Variants in RIMS1 observed in about 807,000 individuals in gnomAD.
RIMS1 encodes regulating synaptic membrane exocytosis 1.
A neutral mutation model predicts 214.1 loss-of-function variants in RIMS1; 83 were observed. That is an observed-to-expected ratio of 0.39 (90% confidence interval 0.32 to 0.47). The LOEUF (loss-of-function observed/expected upper bound fraction) is 0.47, where lower values mean the gene tolerates loss of function less well. RIMS1 is among the 20% of genes least tolerant of loss of function. The pLI is 0.99. For synonymous variants in RIMS1, 793 were observed against 786.8 expected, an observed-to-expected ratio of 1.01 and a Z score of -0.13; for missense variants, 2,050 against 2,161.8, an observed-to-expected ratio of 0.95 and a Z score of 1.03.
At chr6:72,081,190 A>C (rs942489597) in intron 2 of RIMS1, among the ~76,000 whole-genome samples, 1 of 152,192 alleles carries the variant, frequency 6.6e-6, no homozygotes, top group Non-Finnish European at 1.5e-5. Flanking sequence ...GGTTAAGATG[A>C]TTTATCAGAG....
At chr6:72,361,096 CTTTTTT>C (rs70994124) in intron 29 of RIMS1, among the ~76,000 whole-genome samples, 1 of 54,388 alleles carries the variant, frequency 1.8e-5, no homozygotes, top group Admixed American at 2.3e-4. Flanking sequence ...GTCTTTCTTT[CTTTTTT>C]TTTTTTTTTT....
Position 72,334,829 on chromosome 6 carries a change from T to C in RIMS1, c.4366+994T>C, listed in dbSNP as rs76442988. ...AATTAGAAGTAGGAAATTTGAGTCA[T>C]GTCTTAAAATTACAGGATTAGAATG... On this transcript the variant is annotated intron_variant, in intron 29 of 33. Transcript: ENST00000521978. 4.3e-3 allele frequency among the ~76,000 whole-genome samples: 655 copies of C among 152,010 alleles called. 6 individuals are homozygous for C. The highest frequency in any genetic ancestry group is 0.015 in the African/African-American group (641 of 41,524).
At chr6:72,237,215 AAG>A (rs552204532) in intron 8 of RIMS1, among the ~76,000 whole-genome samples, 17 of 150,124 alleles carry the variant, frequency 1.1e-4, no homozygotes, top group Non-Finnish European at 2.1e-4. Context: ...CAAAAATAGA[AAG>A]AGAGAGAGAG....
Position 72,076,940 on chromosome 6 carries a change from A to T in RIMS1, c.246-20009A>T, listed in dbSNP as rs1271768387. On this transcript the variant is annotated intron_variant, in intron 2 of 33. Transcript: ENST00000521978. ...ATTTGTCAATAAAAGTCCTTCAGTG[A>T]CCTCCCATTCCGCTTAGAAGAAAAT... 3.3e-5 allele frequency among the ~76,000 whole-genome samples: 5 copies of T among 152,040 alleles called. No individual in the cohort carries two copies. The East Asian group carries it at 7.7e-4, about 24-fold the overall frequency.
intron 2 of RIMS1, among the ~76,000 whole-genome samples, chr6:71,972,742 T>C (rs1364178478): frequency 1.3e-5 from 2 of 152,192 alleles, no homozygotes; most frequent in Non-Finnish European, 2.9e-5. Flanking sequence ...AGAATCTTTT[T>C]CTTAAGAGTT....
At chr6:72,110,342 T>A (rs1341146256) in intron 4 of RIMS1, among the ~76,000 whole-genome samples, 1 of 152,210 alleles carries the variant, frequency 6.6e-6, no homozygotes, top group Non-Finnish European at 1.5e-5. Context: ...GAGCATGGAA[T>A]GTTCTTCCAT....
intron 2 of RIMS1, among the ~76,000 whole-genome samples, chr6:71,975,238 T>C (rs565269343): frequency 2.0e-5 from 3 of 152,240 alleles, no homozygotes; most frequent in Admixed American, 6.5e-5. Flanking sequence ...TTGGAGGACT[T>C]AAGAAAATTA....
At chr6:72,292,537 C>T (rs2093553947) in intron 26 of RIMS1, among the ~76,000 whole-genome samples, 1 of 152,018 alleles carries the variant, frequency 6.6e-6, no homozygotes, top group Non-Finnish European at 1.5e-5. Flanking sequence ...TTCAGCAGTT[C>T]ATATTGCTTA....
chr6:72,271,496 C>T (rs1224350055), intron 22 of RIMS1, among the ~76,000 whole-genome samples: 1 of 151,488 alleles, frequency 6.6e-6, no homozygotes, highest in Non-Finnish European at 1.5e-5. Context: ...GAATTAATGA[C>T]TTACATTTTT....
chr6:72,235,619 A>T lies in RIMS1; in HGVS notation c.1748A>T (p.His583Leu). 6.2e-7 allele frequency: 1 copy of T among 1,602,212 alleles called. No individual in the cohort carries two copies. Among genetic ancestry groups the T allele is most frequent in the Non-Finnish European group, 8.5e-7 (1 of 1,171,450 alleles). ...TTAAACTCATTCATGTTTTAACAGC[A>T]TCCTGTAACGTGGCAACCATCTAAA... ...HSRETSPISS[H>L]PVTWQPSKEG... The change falls in exon 8 of 34, where the codon CAT becomes CTT. Residue 583 changes from histidine to leucine, a missense_variant and splice_region_variant. His to Leu is a moderately conservative substitution (Grantham distance 99, BLOSUM62 -3). Coordinates refer to ENST00000521978, the MANE Select transcript of RIMS1 (RefSeq NM_014989.7).
At chr6:72,129,802 A>G (rs56270449) in intron 4 of RIMS1, among the ~76,000 whole-genome samples, 32,367 of 151,968 alleles carry the variant, frequency 0.21, 4,120 homozygotes, top group Non-Finnish European at 0.27. Flanking sequence ...GCATTCAACC[A>G]TTACTTTAGG....
intron 2 of RIMS1, among the ~76,000 whole-genome samples, chr6:72,038,682 T>G (rs1820600237): frequency 6.6e-6 from 1 of 152,164 alleles, no homozygotes; most frequent in Non-Finnish European, 1.5e-5. Context: ...GTAGCGTCAG[T>G]AACAGATAGC....
intron 28 of RIMS1, among the ~76,000 whole-genome samples, chr6:72,316,102 A>G (rs2095775857): frequency 6.6e-6 from 1 of 152,190 alleles, no homozygotes; most frequent in Non-Finnish European, 1.5e-5. Flanking sequence ...AAAACAAAAA[A>G]AAACATTGTA....
intron 4 of RIMS1, among the ~76,000 whole-genome samples, chr6:72,110,730 C>G (rs1238774932): frequency 6.6e-6 from 1 of 151,910 alleles, no homozygotes; most frequent in Non-Finnish European, 1.5e-5. Context: ...CCAGAACTTC[C>G]AACACTATGT....
chr6:71,887,431 C>G (rs559206964), intron 1 of RIMS1, among the ~76,000 whole-genome samples: 61 of 152,012 alleles, frequency 4.0e-4, no homozygotes, highest in Non-Finnish European at 4.7e-4. Context: ...TGACTTGAGA[C>G]TGGGGTGCAG....
At chr6:72,023,260 A>T (rs1815282099) in intron 2 of RIMS1, among the ~76,000 whole-genome samples, 1 of 152,198 alleles carries the variant, frequency 6.6e-6, no homozygotes, top group Admixed American at 6.5e-5. Flanking sequence ...GCTAACATAT[A>T]CATTTTAGGT....
chr6:72,308,950 A>G (rs1029403741), intron 27 of RIMS1, among the ~76,000 whole-genome samples: 3 of 152,142 alleles, frequency 2.0e-5, no homozygotes, highest in Non-Finnish European at 4.4e-5. Context: ...AGGCAGGGTA[A>G]TTTGGGGTTT....
intron 2 of RIMS1, among the ~76,000 whole-genome samples, chr6:72,088,122 G>A (rs1424767494): frequency 6.6e-6 from 1 of 151,746 alleles, no homozygotes; most frequent in Non-Finnish European, 1.5e-5. Context: ...TGATTTATTT[G>A]GAATATTGTT....
intron 2 of RIMS1, among the ~76,000 whole-genome samples, chr6:72,043,272 T>C (rs906460080): frequency 6.6e-6 from 1 of 151,834 alleles, no homozygotes; most frequent in African/African-American, 2.4e-5. Context: ...ATCATTCTTA[T>C]GAAATAGGAA....
Sources: allele counts gnomAD v4.1 joint callset (sites outside exome capture counted in the v4.1 genomes callset), GRCh38; gene constraint gnomAD v4.1.1; transcripts MANE v1.5; gene names NCBI Gene and HGNC (gene_info 2026-07-23, HGNC 2026-07-21).